CDH2: variants seen among roughly 807,000 people sequenced by gnomAD.
CDH2 encodes the protein cadherin 2.
In CDH2, 17 loss-of-function variants were observed where a neutral mutation model predicts 92.0. The observed-to-expected ratio is 0.18, with a 90% CI of 0.13 to 0.28. The LOEUF (loss-of-function observed/expected upper bound fraction) is 0.28. Ranked by LOEUF, CDH2 falls within the 10% of genes least tolerant of loss-of-function variation. CDH2 has a pLI of 1.00. For missense variants in CDH2, 862 were observed against 1,133.1 expected (o/e 0.76, Z 3.44); for synonymous variants, 419 against 415.9 (o/e 1.01, Z -0.09).
intron 6 of CDH2, 29 bp from the exon 7 acceptor site, chr18:28,003,198 G>A (rs747341347): frequency 6.4e-7 from 1 of 1,567,138 alleles, no homozygotes; most frequent in East Asian, 2.3e-5. Context: ...GAAAATGAAT[G>A]GTTACCCTTC....
In CDH2 at chr18:28,011,280, G is replaced by A. The variant is rs182293729; in HGVS notation, c.546+566C>T. 2.0e-3 allele frequency among the ~76,000 whole-genome samples: 297 copies of A among 151,390 alleles called. 5 individuals carry two copies. Among genetic ancestry groups the A allele is most frequent in the African/African-American group, 6.9e-3 (286 of 41,276 alleles). On this transcript the variant is annotated intron_variant, in intron 4 of 15. Coordinates refer to ENST00000269141, the MANE Select transcript of CDH2 (RefSeq NM_001792.5). ...ATTTTTTTTCTGTAGCTGATGGTAT[G>A]TATCTAGAGTAAATAACTAAAAAAA...
At chr18:28,034,453 C>G (rs2013776596) in intron 2 of CDH2, among the ~76,000 whole-genome samples, 1 of 151,882 alleles carries the variant, frequency 6.6e-6, no homozygotes, top group South Asian at 2.1e-4. Context: ...GGTTTTTAAA[C>G]AGTTATATAT....
chr18:28,119,528 TTATAAAGCATTCAATAATGCCTTAATA>T (rs1340458342), intron 2 of CDH2, among the ~76,000 whole-genome samples: 2 of 152,114 alleles, frequency 1.3e-5, no homozygotes, highest in African/African-American at 4.8e-5. Context: ...TATGCATAAT[TTATAAAGCATTCAATAATGCCTTAATA>T]TTGAGCAATA....
intron 14 of CDH2, among the ~76,000 whole-genome samples, chr18:27,980,726 A>T (rs1407335816): frequency 6.6e-6 from 1 of 151,426 alleles, no homozygotes; most frequent in Non-Finnish European, 1.5e-5. Context: ...ATAGAATTCC[A>T]GAAAAATCTT....
intron 1 of CDH2, among the ~76,000 whole-genome samples, chr18:28,153,374 C>G (rs545944580): frequency 6.6e-6 from 1 of 152,240 alleles, no homozygotes; most frequent in East Asian, 1.9e-4. Flanking sequence ...AAAATTTGGT[C>G]TCAATAAATT....
chr18:28,049,693 C>A (rs1173978007), intron 2 of CDH2, among the ~76,000 whole-genome samples: 2 of 152,190 alleles, frequency 1.3e-5, no homozygotes, highest in Admixed American at 1.3e-4. Flanking sequence ...AAAAGACAAC[C>A]AACCTCCACA....
chr18:28,023,613 C>T (rs1356090216), intron 2 of CDH2, among the ~76,000 whole-genome samples: 1 of 152,148 alleles, frequency 6.6e-6, no homozygotes, highest in Non-Finnish European at 1.5e-5. Context: ...ACCAACTGCA[C>T]CTGGCCAATA....
intron 15 of CDH2, 64 bp downstream of exon 15, chr18:27,963,293 A>G: frequency 6.7e-7 from 1 of 1,487,356 alleles, no homozygotes; most frequent in Non-Finnish European, 9.3e-7. Flanking sequence ...TTTGTGGCCT[A>G]CAGAGATCTA....
intron 2 of CDH2, among the ~76,000 whole-genome samples, chr18:28,021,649 G>A (rs1027699945): frequency 6.6e-6 from 1 of 151,754 alleles, no homozygotes. Flanking sequence ...TCAAAATGAT[G>A]TTAACCATAA....
intron 2 of CDH2, chr18:28,146,484 C>T (rs992261247): frequency 2.0e-5 from 3 of 152,058 alleles, no homozygotes; most frequent in Non-Finnish European, 4.4e-5. Flanking sequence ...CAGACTAACT[C>T]AAACATTCAC....
intron 3 of CDH2, among the ~76,000 whole-genome samples, chr18:28,013,077 CAAT>C (rs2013144391): frequency 6.6e-6 from 1 of 152,128 alleles, no homozygotes; most frequent in Non-Finnish European, 1.5e-5. Context: ...AAATTCCGAA[CAAT>C]GACTTATACA....
At chr18:28,098,217 A>G (rs1172883016) in intron 2 of CDH2, among the ~76,000 whole-genome samples, 1 of 152,250 alleles carries the variant, frequency 6.6e-6, no homozygotes, top group Non-Finnish European at 1.5e-5. Context: ...TACATTGAAG[A>G]AGATCTAGTG....
At chr18:27,956,218 CGCCTGTGTT>C (rs2011243949) in intron 15 of CDH2, among the ~76,000 whole-genome samples, 1 of 152,110 alleles carries the variant, frequency 6.6e-6, no homozygotes, top group Admixed American at 6.6e-5. Context: ...ACAAACTAAA[CGCCTGTGTT>C]TCTCTAGGTT....
intron 15 of CDH2, among the ~76,000 whole-genome samples, chr18:27,962,700 C>T (rs2011439351): frequency 6.6e-6 from 1 of 152,122 alleles, no homozygotes; most frequent in African/African-American, 2.4e-5. Context: ...GAAGCAGCAG[C>T]ACAAATCATT....
chr18:28,027,958 T>G (rs959200320), intron 2 of CDH2, among the ~76,000 whole-genome samples: 1 of 151,968 alleles, frequency 6.6e-6, no homozygotes, highest in Non-Finnish European at 1.5e-5. Context: ...TTTTCCCAAC[T>G]GTATCATTAT....
chr18:28,114,333 G>T (rs865861325), intron 2 of CDH2, among the ~76,000 whole-genome samples: 19 of 152,054 alleles, frequency 1.2e-4, no homozygotes, highest in South Asian at 1.0e-3. Flanking sequence ...ACCATTATTG[G>T]TCAAAGAAAA....
chr18:28,118,590 AGTGTGT>A (rs57324446), intron 2 of CDH2, among the ~76,000 whole-genome samples: 2 of 148,364 alleles, frequency 1.3e-5, no homozygotes, highest in East Asian at 2.0e-4. Context: ...AATTTAGTTC[AGTGTGT>A]GTGTGTGTGT....
rs758163129 is a variant in CDH2, at chr18:28,002,877, C to T, written c.1020+120G>A. On this transcript the variant is annotated intron_variant, in intron 7 of 15. Transcript: ENST00000269141. ...TATACAACAGATTACTTAATGAAAA[C>T]GATTAGCATTTGAATAACACTGTGA... 20 of 931,158 alleles carry T rather than the reference C, an allele frequency of 2.1e-5. No individual in the cohort carries two copies. The East Asian group carries it at 2.5e-4, about 11-fold the overall frequency. The allele number at this position is 931,158 out of a possible 1,614,324, so 57.7% of individuals were successfully genotyped here.
chr18:27,963,886 A>C (rs755100763), intron 14 of CDH2, among the ~76,000 whole-genome samples: 2 of 152,078 alleles, frequency 1.3e-5, no homozygotes, highest in Non-Finnish European at 2.9e-5. Flanking sequence ...TTTTAAAACG[A>C]GGGTGGTTAT....
Sources: gnomAD v4.1 joint callset for allele counts (sites outside exome capture counted in the v4.1 genomes callset) on GRCh38, gnomAD v4.1.1 for gene constraint, MANE v1.5 for transcripts, NCBI Gene and HGNC (gene_info 2026-07-23, HGNC 2026-07-21) for gene names.